Variants in SCN11A observed in about 807,000 individuals in gnomAD.
SCN11A encodes sodium voltage-gated channel alpha subunit 11, also known as sodium channel protein type 11 subunit alpha.
SCN11A carries 122 observed loss-of-function variants against 162.2 expected under a neutral mutation model. The observed-to-expected ratio is 0.75, with a 90% CI of 0.65 to 0.87. The LOEUF (loss-of-function observed/expected upper bound fraction) is 0.87, where lower values mean the gene tolerates loss of function less well. Ranked by LOEUF, SCN11A falls within the 40% of genes least tolerant of loss-of-function variation. SCN11A has a pLI of 0.00. For missense variants in SCN11A, 2,015 were observed against 2,181.6 expected, an observed-to-expected ratio of 0.92 and a Z score of 1.52; for synonymous variants, 758 against 751.5, an observed-to-expected ratio of 1.01 and a Z score of -0.14.
At chr3:38,953,110 C>A (rs928805596) in intron 4 of SCN11A, among the ~76,000 whole-genome samples, 1 of 151,800 alleles carries the variant, frequency 6.6e-6, no homozygotes, top group South Asian at 2.1e-4. Context: ...TGGGAATTGG[C>A]AGGGATATGG....
chr3:38,879,913 C>A (rs1465704650), intron 23 of SCN11A, 37 bp downstream of exon 23: 4 of 1,580,500 alleles, frequency 2.5e-6, no homozygotes, highest in Non-Finnish European at 3.5e-6. Flanking sequence ...TTAACCACTA[C>A]CCCAGCCTGT....
chr3:39,026,732 AACTG>A (rs2031598801), intron 2 of SCN11A, among the ~76,000 whole-genome samples: 1 of 152,174 alleles, frequency 6.6e-6, no homozygotes, highest in Non-Finnish European at 1.5e-5. Context: ...AGGGATTCTA[AACTG>A]ACTCAGCTTC....
intron 27 of SCN11A, 108 bp from the exon 28 acceptor site, chr3:38,863,407 C>A: frequency 1.6e-6 from 1 of 622,968 alleles, no homozygotes; most frequent in Non-Finnish European, 2.8e-6. Flanking sequence ...ATTAACAATT[C>A]TTAAAATTTC....
At chr3:39,017,917 T>C (rs1271496893) in intron 2 of SCN11A, among the ~76,000 whole-genome samples, 4 of 152,222 alleles carry the variant, frequency 2.6e-5, no homozygotes, top group Admixed American at 1.3e-4. Context: ...ATAGTGAAAT[T>C]TACTTGTTAG....
intron 14 of SCN11A, among the ~76,000 whole-genome samples, chr3:38,906,601 T>C (rs1005784436): frequency 3.9e-5 from 6 of 152,140 alleles, no homozygotes; most frequent in Non-Finnish European, 8.8e-5. Context: ...CACGGTCGTC[T>C]GTTAATTGCT....
chr3:38,855,046 T>TG (rs1218407279), intron 28 of SCN11A, among the ~76,000 whole-genome samples: 1 of 152,218 alleles, frequency 6.6e-6, no homozygotes, highest in Non-Finnish European at 1.5e-5. Context: ...GTGCAGGAGC[T>TG]GCTGACATTG....
chr3:39,045,936 C>G (rs1292996170), intron 1 of SCN11A, among the ~76,000 whole-genome samples: 1 of 152,104 alleles, frequency 6.6e-6, no homozygotes, highest in African/African-American at 2.4e-5. Context: ...TAAAGAAATT[C>G]ATAAAGTTGT....
intron 2 of SCN11A, among the ~76,000 whole-genome samples, chr3:38,980,850 C>T (rs1471596135): frequency 6.6e-6 from 1 of 152,184 alleles, no homozygotes; most frequent in Admixed American, 6.5e-5. Context: ...AAATTAATAA[C>T]CAGAGATTTA....
intron 1 of SCN11A, among the ~76,000 whole-genome samples, chr3:39,047,883 G>T (rs966095974): frequency 2.0e-5 from 3 of 152,108 alleles, no homozygotes; most frequent in Admixed American, 6.5e-5. Context: ...CAAATGCAGA[G>T]GGTGAGGATG....
chr3:38,881,359 G>T (rs1030460008), intron 22 of SCN11A, among the ~76,000 whole-genome samples: 1 of 152,108 alleles, frequency 6.6e-6, no homozygotes, highest in East Asian at 1.9e-4. Flanking sequence ...CAGGGACTTC[G>T]TTTGTTTGCC....
intron 2 of SCN11A, among the ~76,000 whole-genome samples, chr3:39,009,012 A>G (rs2031053772): frequency 6.6e-6 from 1 of 152,168 alleles, no homozygotes; most frequent in South Asian, 2.1e-4. Flanking sequence ...TAATAATACT[A>G]GATATTATTT....
intron 19 of SCN11A, among the ~76,000 whole-genome samples, chr3:38,887,172 G>A (rs1371766245): frequency 5.3e-5 from 8 of 151,974 alleles, no homozygotes; most frequent in Non-Finnish European, 1.2e-4. Flanking sequence ...TCCTGATAGG[G>A]ACCAGGTACC....
chr3:38,919,822 T>C, intron 11 of SCN11A, 113 bp downstream of exon 11: 1 of 766,680 alleles, frequency 1.3e-6, no homozygotes, highest in South Asian at 1.6e-5. Flanking sequence ...ATGAAATAAT[T>C]ATGTGAGAAC....
intron 2 of SCN11A, among the ~76,000 whole-genome samples, chr3:39,002,808 A>T (rs1205474658): frequency 6.6e-6 from 1 of 152,192 alleles, no homozygotes; most frequent in African/African-American, 2.4e-5. Flanking sequence ...GCCAAAGAGA[A>T]ACATACTTGC....
At chr3:38,998,187 C>T (rs755066401) in intron 2 of SCN11A, among the ~76,000 whole-genome samples, 15 of 152,102 alleles carry the variant, frequency 9.9e-5, no homozygotes, top group Admixed American at 2.6e-4. Context: ...ATGACTACTA[C>T]GTTAAGGGAA....
chr3:38,856,915 T>C (rs1421025303), intron 28 of SCN11A, among the ~76,000 whole-genome samples: 2 of 152,090 alleles, frequency 1.3e-5, no homozygotes, highest in African/African-American at 4.8e-5. Context: ...TCTTTACTCC[T>C]ACAAGCACCA....
chr3:38,971,942 G>T (rs1351963396), intron 2 of SCN11A, among the ~76,000 whole-genome samples: 2 of 152,302 alleles, frequency 1.3e-5, no homozygotes, highest in African/African-American at 4.8e-5. Context: ...GAAGGCAGGA[G>T]GCAGGAGGAA....
intron 26 of SCN11A, among the ~76,000 whole-genome samples, chr3:38,867,887 C>A (rs2126093161): frequency 6.6e-6 from 1 of 152,294 alleles, no homozygotes; most frequent in Non-Finnish European, 1.5e-5. Flanking sequence ...TGTTGAACTA[C>A]TATGACCCCC....
intron 2 of SCN11A, among the ~76,000 whole-genome samples, chr3:38,964,136 T>C (rs1000636999): frequency 3.3e-5 from 5 of 152,288 alleles, no homozygotes; most frequent in East Asian, 1.9e-4. Flanking sequence ...TGGGTCCACA[T>C]TGTAAGAGGA....
Sources: allele counts gnomAD v4.1 joint callset (sites outside exome capture counted in the v4.1 genomes callset), GRCh38; gene constraint gnomAD v4.1.1; transcripts MANE v1.5; gene names NCBI Gene and HGNC (gene_info 2026-07-23, HGNC 2026-07-21).